Variants in RASGEF1A observed in about 807,000 individuals in gnomAD.
RASGEF1A encodes ras-GEF domain-containing family member 1A.
In RASGEF1A, 18 loss-of-function variants were observed where a neutral mutation model predicts 56.4. The observed-to-expected ratio is 0.32, with a 90% CI of 0.22 to 0.47. The LOEUF is 0.47. Ranked by LOEUF, RASGEF1A falls within the 20% of genes least tolerant of loss-of-function variation. RASGEF1A has a pLI of 1.00. For synonymous variants in RASGEF1A, 245 were observed against 242.6 expected, an observed-to-expected ratio of 1.01 and a Z score of -0.09; for missense variants, 422 against 627.1, an observed-to-expected ratio of 0.67 and a Z score of 3.49.
intron 1 of RASGEF1A, among the ~76,000 whole-genome samples, chr10:43,222,837 A>G (rs1159746312): frequency 2.6e-5 from 4 of 152,150 alleles, no homozygotes; most frequent in Non-Finnish European, 5.9e-5. Context: ...AGGGAGGGGG[A>G]CAGCCTTGTG....
intron 1 of RASGEF1A, among the ~76,000 whole-genome samples, chr10:43,254,000 AGGCCTGCCT>A: frequency 6.6e-6 from 1 of 152,274 alleles, no homozygotes; most frequent in Admixed American, 6.5e-5. Context: ...GGCCTGGGGC[AGGCCTGCCT>A]CCCCATGGGG....
chr10:43,260,340 C>T (rs964592210), intron 1 of RASGEF1A, among the ~76,000 whole-genome samples: 2 of 152,208 alleles, frequency 1.3e-5, no homozygotes, highest in African/African-American at 4.8e-5. Context: ...CCCTGCCTGG[C>T]ACTGGTGCTG....
rs116297043 is a variant in RASGEF1A at position 43,258,630 on chromosome 10, T to C, written c.-7+8215A>G. ...CACCAGCAGGGAGCCTCAGAGAGCCTAGCAGGCTTGGGTGAGCTACTGAGC... is the reference window on the plus strand; with the variant it reads ...CACCAGCAGGGAGCCTCAGAGAGCCCAGCAGGCTTGGGTGAGCTACTGAGC... On this transcript the variant is annotated intron_variant, in intron 1 of 12. Transcript: ENST00000395810. 4.4e-3 allele frequency among the ~76,000 whole-genome samples: 671 copies of C among 152,322 alleles called. 4 individuals carry two copies. The highest frequency in any genetic ancestry group is 0.015 in the African/African-American group (635 of 41,580).
chr10:43,196,300 C>A lies in RASGEF1A; in HGVS notation c.1422-32G>T. The A allele has an allele frequency of 6.2e-7, 1 of 1,612,282 alleles. No individual in the cohort carries two copies. Among genetic ancestry groups the A allele is most frequent in the Non-Finnish European group, 8.5e-7 (1 of 1,178,832 alleles). The stretch of plus-strand genomic sequence containing the variant: ...GGGGACAGGACAAGCAGTGCTCAGG[C>A]CCGAGCAGGGCGGCTTGGGTCCAAG... On this transcript the variant is annotated intron_variant, in intron 12 of 12. Transcript: ENST00000395810. This position sits in a 1 kb window ranked among gnomAD's most constrained non-coding sequence, Gnocchi z 4.6.
intron 1 of RASGEF1A, among the ~76,000 whole-genome samples, chr10:43,223,131 G>A (rs1393354054): frequency 3.9e-5 from 6 of 152,156 alleles, no homozygotes; most frequent in African/African-American, 1.2e-4. Flanking sequence ...AGATGCCCAA[G>A]GGATGAAAAT....
At chr10:43,249,962 T>C (rs1840608253) in intron 1 of RASGEF1A, among the ~76,000 whole-genome samples, 1 of 152,200 alleles carries the variant, frequency 6.6e-6, no homozygotes, top group Non-Finnish European at 1.5e-5. Context: ...GTGCTCTCCC[T>C]CGGGGAAAGT....
At chr10:43,234,697 C>A (rs1349062658) in intron 1 of RASGEF1A, among the ~76,000 whole-genome samples, 1 of 152,214 alleles carries the variant, frequency 6.6e-6, no homozygotes, top group African/African-American at 2.4e-5. Flanking sequence ...AGTTTCGGGT[C>A]CAAACCCTGA....
chr10:43,229,681 C>A, intron 1 of RASGEF1A: 1 of 1,470,018 alleles, frequency 6.8e-7, no homozygotes, highest in Non-Finnish European at 9.0e-7. Flanking sequence ...CCGCGCCGTC[C>A]TGCCCGGTCC....
At chr10:43,228,907 C>T (rs777406821) in intron 1 of RASGEF1A, among the ~76,000 whole-genome samples, 1 of 152,242 alleles carries the variant, frequency 6.6e-6, no homozygotes, top group East Asian at 1.9e-4. Context: ...ATGAGTCCTG[C>T]ATCTTTCACG....
rs1839805782 is a variant in RASGEF1A, at chr10:43,196,844, G to A, written c.1348+132C>T. 2 of 1,140,614 alleles carry A rather than the reference G, an allele frequency of 1.8e-6. No homozygotes were observed. The highest frequency in any genetic ancestry group is 2.5e-5 in the East Asian group (1 of 40,204). 70.7% of individuals were successfully genotyped at this position (1,140,614 alleles called of 1,614,324 possible). ...CCCACCCTCATGCACACTCGCCCCT[G>A]CGAGCAGAGCCAGCCCTGTGTGGCA... On this transcript the variant is annotated intron_variant, in intron 11 of 12. Coordinates refer to ENST00000395810, the MANE Select transcript of RASGEF1A (RefSeq NM_145313.4). The surrounding 1 kb of genome is among the most constrained non-coding windows in gnomAD (Gnocchi z 4.6).
chr10:43,215,045 C>T (rs1434220051), intron 1 of RASGEF1A, among the ~76,000 whole-genome samples: 1 of 152,194 alleles, frequency 6.6e-6, no homozygotes. Context: ...GCATCAAGTG[C>T]AGGCTGAAGC....
At chr10:43,225,876 G>A (rs540627731) in intron 1 of RASGEF1A, among the ~76,000 whole-genome samples, 115 of 152,300 alleles carry the variant, frequency 7.6e-4, no homozygotes, top group East Asian at 1.4e-3. Flanking sequence ...CCTCACCCAC[G>A]GGGAGGGGGA....
chr10:43,199,842 T>TG, intron 6 of RASGEF1A, 74 bp from the exon 7 acceptor site: 2 of 1,241,552 alleles, frequency 1.6e-6, no homozygotes, highest in Non-Finnish European at 2.3e-6. Context: ...CAGCTGGCCC[T>TG]GGTCCCCAGC....
chr10:43,199,016 C>T lies in RASGEF1A; in HGVS notation c.953-4G>A. The T allele has an allele frequency of 1.2e-6, 2 of 1,603,634 alleles. No homozygotes were observed. The highest frequency in any genetic ancestry group is 1.1e-5 in the South Asian group (1 of 90,836). ...ACAGGACTGAGGTTCATGCCAGCTG[C>T]AGAGGACAGCAGGTAGGGTCAGGGC... On this transcript the variant is annotated splice_region_variant and splice_polypyrimidine_tract_variant and intron_variant, in intron 8 of 12. Coordinates refer to ENST00000395810, the MANE Select transcript of RASGEF1A (RefSeq NM_145313.4).
chr10:43,251,035 G>C (rs1840622681), intron 1 of RASGEF1A, among the ~76,000 whole-genome samples: 1 of 152,234 alleles, frequency 6.6e-6, no homozygotes, highest in South Asian at 2.1e-4. Context: ...TTGCTCTAGG[G>C]AGCACCTCTG....
intron 1 of RASGEF1A, among the ~76,000 whole-genome samples, chr10:43,258,547 A>T (rs191030958): frequency 1.3e-5 from 2 of 152,274 alleles, no homozygotes; most frequent in Non-Finnish European, 2.9e-5. Context: ...AGGCCACAGC[A>T]GGCGGCTGGC....
chr10:43,229,466 C>T (rs1283150377), intron 1 of RASGEF1A, among the ~76,000 whole-genome samples: 7 of 152,204 alleles, frequency 4.6e-5, no homozygotes, highest in Non-Finnish European at 1.0e-4. Flanking sequence ...GGGCGCCGCC[C>T]ACCGGGCAGT....
chr10:43,251,447 T>A (rs1457539473), intron 1 of RASGEF1A, among the ~76,000 whole-genome samples: 4 of 152,148 alleles, frequency 2.6e-5, no homozygotes, highest in African/African-American at 9.7e-5. Flanking sequence ...AGGAACAGTG[T>A]GGCTTCCAGA....
At chr10:43,209,107 C>A in intron 1 of RASGEF1A, 1 of 985,510 alleles carries the variant, frequency 1.0e-6, no homozygotes, top group South Asian at 4.7e-5. Context: ...ACAGCTGTGT[C>A]CACCACCAGG....
Sources: allele counts gnomAD v4.1 joint callset (sites outside exome capture counted in the v4.1 genomes callset), GRCh38; gene constraint gnomAD v4.1.1; non-coding constraint Gnocchi (gnomAD v3.1); transcripts MANE v1.5; gene names NCBI Gene and HGNC (gene_info 2026-07-23, HGNC 2026-07-21).